The following ERBIN variants were observed in gnomAD, a reference collection of about 807,000 sequenced individuals.
The protein encoded by ERBIN is densin-180-like protein.
In ERBIN, 60 loss-of-function variants were observed where a neutral mutation model predicts 158.4. That is an observed-to-expected ratio of 0.38 (90% CI 0.31 to 0.47). The LOEUF is 0.47. ERBIN is among the 20% of genes least tolerant of loss of function. ERBIN has a pLI of 0.99. For synonymous variants in ERBIN, 594 were observed against 557.2 expected, an observed-to-expected ratio of 1.07 and a Z score of -0.93; for missense variants, 1,610 against 1,648.0, an observed-to-expected ratio of 0.98 and a Z score of 0.40.
intron 1 of ERBIN, among the ~76,000 whole-genome samples, chr5:65,946,527 T>C (rs1445103602): frequency 1.3e-5 from 2 of 152,232 alleles, no homozygotes; most frequent in Admixed American, 6.5e-5. Flanking sequence ...ATTTGTTGAA[T>C]CATTTCATGT....
In ERBIN at chr5:66,072,766, C is replaced by T. The variant is rs1363396438; in HGVS notation, c.3756+475C>T. ...GGTTGTGTTTTTAGTACTTTTGTTG[C>T]AATTATCTATGTATGGCCAGTGCCA... On this transcript the variant is annotated intron_variant, in intron 22 of 25. Transcript: ENST00000284037. Among the ~76,000 whole-genome samples, 3 of 152,142 alleles carry T rather than the reference C, an allele frequency of 2.0e-5. No individual in the cohort carries two copies. In the East Asian group the frequency reaches 5.8e-4, roughly 29 times the overall value.
intron 1 of ERBIN, among the ~76,000 whole-genome samples, chr5:65,969,740 C>A (rs1486764845): frequency 6.6e-6 from 1 of 152,126 alleles, no homozygotes; most frequent in Non-Finnish European, 1.5e-5. Context: ...CTAAAACTCA[C>A]CCCCTGCTCC....
At chr5:65,947,080 A>G (rs1310238316) in intron 1 of ERBIN, among the ~76,000 whole-genome samples, 1 of 152,148 alleles carries the variant, frequency 6.6e-6, no homozygotes, top group African/African-American at 2.4e-5. Context: ...CATCTTTTGC[A>G]GAACAAAAGC....
chr5:65,931,052 G>C (rs1402476783), intron 1 of ERBIN, among the ~76,000 whole-genome samples: 1 of 152,134 alleles, frequency 6.6e-6, no homozygotes, highest in Non-Finnish European at 1.5e-5. Flanking sequence ...GATAGAAAAG[G>C]AGAATATCTA....
At chr5:66,069,237 C>A (rs73763085) in intron 21 of ERBIN, among the ~76,000 whole-genome samples, 6,134 of 152,220 alleles carry the variant, frequency 0.04, 417 homozygotes, top group African/African-American at 0.14. Flanking sequence ...ATGTAGTCAG[C>A]CCTTGTTTAT....
chr5:65,958,683 G>A (rs13157972), intron 1 of ERBIN, among the ~76,000 whole-genome samples: 216 of 152,088 alleles, frequency 1.4e-3, no homozygotes, highest in African/African-American at 4.8e-3. Flanking sequence ...GGAGGGAAAT[G>A]TAGGATTTTT....
At chr5:66,025,418 C>T in intron 10 of ERBIN, 62 bp from the exon 11 acceptor site, 2 of 1,212,154 alleles carry the variant, frequency 1.6e-6, no homozygotes, top group Non-Finnish European at 2.5e-6. Flanking sequence ...CTCACACTGA[C>T]TGTTGGTGGA....
At chr5:66,061,250 T>G (rs1760271216) in intron 21 of ERBIN, among the ~76,000 whole-genome samples, 1 of 150,206 alleles carries the variant, frequency 6.7e-6, no homozygotes, top group South Asian at 2.1e-4. Flanking sequence ...GCATATATAT[T>G]TAGGATAGTT....
At position 66,053,328 on chromosome 5, in the gene ERBIN, CAATT is replaced by C. The variant is rs72184990; in HGVS notation, c.2088-77_2088-74del. 8,842 of 854,036 alleles carry C rather than the reference CAATT, an allele frequency of 0.01. 547 individuals are homozygous for C. The African/African-American group carries it at 0.14, about 13-fold the overall frequency. The allele number at this position is 854,036 out of a possible 1,614,324, so 52.9% of individuals were successfully genotyped here. A position where few individuals can be genotyped will look rare whatever the true frequency, so the allele number is the denominator to read the frequency against. Reference sequence around the variant, plus strand: ...AACTTTTTTAACTTGTCTACCTACACAATTTATTTATTAATGTTCCCTGTTACTA... The same window carrying C: ...AACTTTTTTAACTTGTCTACCTACACTATTTATTAATGTTCCCTGTTACTA... On this transcript the variant is annotated intron_variant, in intron 20 of 25. Coordinates refer to ENST00000284037, the MANE Select transcript of ERBIN (RefSeq NM_001253697.2).
intron 4 of ERBIN, among the ~76,000 whole-genome samples, chr5:65,999,194 G>A (rs545834288): frequency 1.1e-4 from 16 of 151,168 alleles, no homozygotes; most frequent in African/African-American, 2.5e-4. Context: ...TGTGGACCCC[G>A]TCTCTACTAA....
chr5:66,045,808 A>T (rs1158826258), intron 17 of ERBIN, among the ~76,000 whole-genome samples: 2 of 152,136 alleles, frequency 1.3e-5, no homozygotes, highest in South Asian at 2.1e-4. Context: ...TATTATGGAA[A>T]TTTTTCCCCC....
Position 66,053,728 on chromosome 5 carries a change from A to G in ERBIN, c.2410A>G (p.Thr804Ala). 1.9e-6 allele frequency: 3 copies of G among 1,613,866 alleles called. No homozygotes were observed. Among genetic ancestry groups the G allele is most frequent in the Middle Eastern group, 3.3e-4 (2 of 6,062 alleles). Residue 804 changes from threonine to alanine, a missense_variant, in exon 21 of 26, where the codon ACT becomes GCT. Physicochemically the swap from Thr to Ala is moderately conservative, Grantham distance 58. Coordinates refer to ENST00000284037, the MANE Select transcript of ERBIN (RefSeq NM_001253697.2). ...TTTAAGCATTAATTCTAAAGAGGAA[A>G]CTGAGCACTTGGAAAATGGAAACAA... ...SFLSINSKEE[T>A]EHLENGNKYP... is the part of the protein sequence containing the mutation.
Position 66,043,639 on chromosome 5 carries a change from CAT to C in ERBIN, c.1428+442_1428+443del, listed in dbSNP as rs1221356486. ...TTTTGTTTCTTTATGGAATTGAAAA[CAT>C]GTCACAGTGATAGGAGTAGTAAATA... is the stretch of plus-strand genomic sequence containing the variant. On this transcript the variant is annotated intron_variant, in intron 16 of 25. Coordinates refer to ENST00000284037, the MANE Select transcript of ERBIN (RefSeq NM_001253697.2). 1.1e-4 allele frequency among the ~76,000 whole-genome samples: 17 copies of C among 152,036 alleles called. No homozygotes were observed. The East Asian group carries it at 1.9e-3, about 17-fold the overall frequency.
intron 21 of ERBIN, among the ~76,000 whole-genome samples, chr5:66,068,698 A>G (rs966596768): frequency 3.3e-5 from 5 of 152,216 alleles, no homozygotes; most frequent in Admixed American, 6.5e-5. Flanking sequence ...GTGTATATGT[A>G]TATGTTGTCA....
chr5:65,995,630 T>C (rs1752349375), intron 4 of ERBIN, among the ~76,000 whole-genome samples: 1 of 152,172 alleles, frequency 6.6e-6, no homozygotes, highest in Non-Finnish European at 1.5e-5. Flanking sequence ...TCATTCACTT[T>C]GATACATATC....
rs1273986298 is a variant in ERBIN at position 66,075,038 on chromosome 5, T to C, written c.3771T>C (p.Asn1257=). 1.9e-6 allele frequency: 3 copies of C among 1,614,188 alleles called. No individual in the cohort carries two copies. Among genetic ancestry groups the C allele is most frequent in the Non-Finnish European group, 2.5e-6 (3 of 1,180,014 alleles). Residue 1257 remains asparagine (N), a synonymous_variant, in exon 23 of 26, where the codon AAT becomes AAC. Transcript: ENST00000284037. ...PDSLMKMPLS[N]GQMGQPLRPQ... ...GTTTTTCTTAGATGCCTTTGAGTAA[T>C]GGACAGATGGGCCAGCCTCTCAGGC...
intron 3 of ERBIN, 133 bp downstream of exon 3, chr5:65,993,040 T>G: frequency 3.6e-6 from 2 of 553,562 alleles, no homozygotes; most frequent in Non-Finnish European, 2.9e-6. Flanking sequence ...TATCGTAGAG[T>G]ATGCCGTACA....
intron 1 of ERBIN, among the ~76,000 whole-genome samples, chr5:65,935,345 C>CT (rs2150852570): frequency 6.6e-6 from 1 of 152,006 alleles, no homozygotes; most frequent in Admixed American, 6.5e-5. Flanking sequence ...CAGGTTCACT[C>CT]TAAGTTGTTT....
intron 7 of ERBIN, 22 bp downstream of exon 7, chr5:66,014,747 T>C: frequency 8.4e-7 from 1 of 1,190,340 alleles, no homozygotes; most frequent in Non-Finnish European, 1.2e-6. Context: ...TGCTATTCTT[T>C]AAAAAACTTA....
Sources: gnomAD v4.1 joint callset for allele counts (sites outside exome capture counted in the v4.1 genomes callset) on GRCh38, gnomAD v4.1.1 for gene constraint, MANE v1.5 for transcripts, NCBI Gene and HGNC (gene_info 2026-07-23, HGNC 2026-07-21) for gene names.